FAN1: variants seen among roughly 807,000 people sequenced by gnomAD.
FAN1 encodes FANCD2 and FANCI associated nuclease 1.
In FAN1, 91 loss-of-function variants were observed where a neutral mutation model predicts 104.9. The ratio of observed to expected loss-of-function variants is 0.87; its 90% confidence interval spans 0.73 to 1.03. FAN1 has a LOEUF of 1.03. Ranked by LOEUF, FAN1 falls within the 50% of genes least tolerant of loss-of-function variation. FAN1 has a pLI of 0.00. For missense variants in FAN1, 1,263 were observed against 1,239.9 expected (o/e 1.02, Z -0.28); for synonymous variants, 478 against 457.6 (o/e 1.04, Z -0.57).
At chr15:30,932,408 TTTCTTA>T (rs1353701623) in intron 13 of FAN1, among the ~76,000 whole-genome samples, 1 of 152,096 alleles carries the variant, frequency 6.6e-6, no homozygotes, top group East Asian at 1.9e-4. Flanking sequence ...GTACTTTTCT[TTTCTTA>T]TTATCTCTTT....
Position 30,905,783 on chromosome 15 carries a change from T to TA in FAN1, c.1121dup (p.Tyr374Ter), listed in dbSNP as rs753955775. ...TCCTGGTCAAACAACCGGTCATCCT[T>TA]ACTACCTTCGGAGTTTCCTTGTGGT... is the stretch of plus-strand genomic sequence containing the variant. ...NGPGQTTGHP[Y>*]YLRSFLVVLK... is the part of the protein sequence containing the mutation. The change falls in exon 2 of 15, where the codon TAC becomes TAAC. Residue 374 changes from tyrosine (Y) to a stop codon, truncating the protein, a stop_gained and frameshift_variant. Coordinates refer to ENST00000362065, the MANE Select transcript of FAN1 (RefSeq NM_014967.5). LOFTEE classifies it high-confidence loss of function. 1.2e-6 allele frequency: 2 copies of TA among 1,614,220 alleles called. No homozygotes were observed. The highest frequency in any genetic ancestry group is 1.7e-6 in the Non-Finnish European group (2 of 1,180,028).
chr15:30,922,023 C>T (rs1036598556), intron 7 of FAN1, among the ~76,000 whole-genome samples: 5 of 152,132 alleles, frequency 3.3e-5, no homozygotes, highest in African/African-American at 9.7e-5. Context: ...TGGCAGGGAC[C>T]GGGTGAAGAG....
At position 30,929,240 on chromosome 15, in the gene FAN1, C is replaced by A; in HGVS notation, c.2630C>A (p.Thr877Lys). 6.2e-7 allele frequency: 1 copy of A among 1,613,520 alleles called. No individual in the cohort carries two copies. Among genetic ancestry groups the A allele is most frequent in the Non-Finnish European group, 8.5e-7 (1 of 1,179,826 alleles). ...PLDLCTDSFF[T>K]SRRPALEARL... ...GACTTGTGCACAGACAGCTTCTTCACAAGCAGACGCCCAGCCCTTGAGGCC... is the reference window on the plus strand; with the variant it reads ...GACTTGTGCACAGACAGCTTCTTCAAAAGCAGACGCCCAGCCCTTGAGGCC... The change falls in exon 12 of 15, where the codon ACA (threonine) becomes AAA (lysine). Residue 877 changes from threonine (T) to lysine (K), a missense_variant. This residue lies in a region of FAN1 where 581 missense variants were observed against 668.8 expected (regional missense o/e 0.87). Transcript: ENST00000362065.
intron 14 of FAN1, among the ~76,000 whole-genome samples, chr15:30,938,042 G>C (rs2062913738): frequency 6.6e-6 from 1 of 151,896 alleles, no homozygotes; most frequent in Non-Finnish European, 1.5e-5. Context: ...AAATTGGGTG[G>C]GCTTGGTGGC....
intron 13 of FAN1, among the ~76,000 whole-genome samples, chr15:30,936,483 A>T (rs2062855860): frequency 1.3e-5 from 2 of 152,220 alleles, no homozygotes; most frequent in Admixed American, 6.5e-5. Flanking sequence ...TGCATGCTTT[A>T]AAACAATTTT....
In FAN1 at chr15:30,941,620, G is replaced by C. The variant is rs770174652; in HGVS notation, c.*58G>C. Reference sequence around the variant, plus strand: ...AGGAGAGAAACTCCGGTGTCCCCGAGGTGTCGGTGTGGTGAGGGCCGCTGG... The same window carrying C: ...AGGAGAGAAACTCCGGTGTCCCCGACGTGTCGGTGTGGTGAGGGCCGCTGG... On this transcript the variant is annotated 3_prime_UTR_variant, in exon 15 of 15. Coordinates refer to ENST00000362065, the MANE Select transcript of FAN1 (RefSeq NM_014967.5). 1.2e-6 allele frequency: 2 copies of C among 1,604,598 alleles called. No homozygotes were observed. The highest frequency in any genetic ancestry group is 1.1e-5 in the South Asian group (1 of 89,838).
rs770015167 is a variant in FAN1, at chr15:30,905,288, A to G, written c.625A>G (p.Ser209Gly). Reference protein sequence around the residue: ...IEDEDQILENSSQKENVFKCD... With the variant: ...IEDEDQILENGSQKENVFKCD... Reference sequence around the variant, plus strand: ...GGACGAGGATCAAATTTTGGAGAACAGTTCTCAAAAAGAAAACGTGTTTAA... The same window carrying G: ...GGACGAGGATCAAATTTTGGAGAACGGTTCTCAAAAAGAAAACGTGTTTAA... The change falls in exon 2 of 15, where the codon AGT (serine) becomes GGT (glycine). Residue 209 changes from serine to glycine, a missense_variant. By Grantham distance (56) the Ser-to-Gly change is moderately conservative (BLOSUM62 0). Transcript: ENST00000362065. 6 of 1,613,918 alleles carry G rather than the reference A, an allele frequency of 3.7e-6. No homozygotes were observed. Among genetic ancestry groups the G allele is most frequent in the Non-Finnish European group, 5.1e-6 (6 of 1,180,006 alleles).
At chr15:30,929,088 A>G (rs1272816229) in intron 11 of FAN1, 115 bp from the exon 12 acceptor site, 1 of 872,830 alleles carries the variant, frequency 1.1e-6, no homozygotes, top group Non-Finnish European at 1.8e-6. Context: ...TTATCTTTTG[A>G]GAGAAAGAAT....
chr15:30,919,484 A>G (rs1268410729), intron 6 of FAN1, among the ~76,000 whole-genome samples: 1 of 151,640 alleles, frequency 6.6e-6, no homozygotes, highest in Non-Finnish European at 1.5e-5. Flanking sequence ...TGAGGTCAGG[A>G]GTTCGAGACT....
intron 13 of FAN1, among the ~76,000 whole-genome samples, chr15:30,930,996 G>A (rs376089993): frequency 6.6e-6 from 1 of 152,278 alleles, no homozygotes; most frequent in African/African-American, 2.4e-5. Context: ...GGGTCACAAC[G>A]GGTGTGGACA....
intron 12 of FAN1, among the ~76,000 whole-genome samples, chr15:30,930,024 A>AAT (rs938785397): frequency 3.5e-4 from 48 of 138,060 alleles, no homozygotes; most frequent in African/African-American, 1.1e-4. Flanking sequence ...AATATATAAT[A>AAT]ATATATATAT....
intron 8 of FAN1, among the ~76,000 whole-genome samples, chr15:30,923,004 C>T (rs757198620): frequency 6.6e-6 from 1 of 152,212 alleles, no homozygotes; most frequent in African/African-American, 2.4e-5. Flanking sequence ...TTTGTGTGGC[C>T]GCCAGCAGGC....
Position 30,930,668 on chromosome 15 carries a change from TA to T in FAN1, c.2915del (p.Lys972SerfsTer17). 1 of 1,612,704 alleles carries T rather than the reference TA, an allele frequency of 6.2e-7. No individual in the cohort carries two copies. The highest frequency in any genetic ancestry group is 8.5e-7 in the Non-Finnish European group (1 of 1,179,484). On this transcript the variant is annotated frameshift_variant and splice_region_variant, in exon 13 of 15. Transcript: ENST00000362065. LOFTEE classifies it high-confidence loss of function. ...VVWNSQSRHF[K>X]LVEVKGPNDR... ...TGTGGAACTCCCAGAGCCGTCACTT[TA>T]AGGTCAGTTGAGGCAGAATGGAAAG... is the stretch of plus-strand genomic sequence containing the variant.
At chr15:30,927,966 T>C in intron 10 of FAN1, 1 of 985,760 alleles carries the variant, frequency 1.0e-6, no homozygotes, top group Non-Finnish European at 1.2e-6. Context: ...AAGTGGGTGA[T>C]CTTTAAGGCC....
chr15:30,929,393 C>T lies in FAN1; in HGVS notation c.2783C>T (p.Ala928Val). ...SWDRFTSLQQ[A>V]QDLVSCLGGP... is the part of the protein sequence containing the mutation. Reference sequence around the variant, plus strand: ...GATCGCTTCACGTCTCTTCAGCAAGCTCAGGTAATGGTTCACCTGCATGGC... The same window carrying T: ...GATCGCTTCACGTCTCTTCAGCAAGTTCAGGTAATGGTTCACCTGCATGGC... The change falls in exon 12 of 15, where the codon GCT becomes GTT. Residue 928 changes from alanine (A) to valine (V), a missense_variant. Physicochemically the swap from Ala to Val is moderately conservative, Grantham distance 64. Coordinates refer to ENST00000362065, the MANE Select transcript of FAN1 (RefSeq NM_014967.5). The T allele has an allele frequency of 6.2e-7, 1 of 1,602,404 alleles. No individual in the cohort carries two copies. The highest frequency in any genetic ancestry group is 8.5e-7 in the Non-Finnish European group (1 of 1,173,512).
At chr15:30,932,019 G>C (rs2062723817) in intron 13 of FAN1, among the ~76,000 whole-genome samples, 1 of 151,410 alleles carries the variant, frequency 6.6e-6, no homozygotes, top group Admixed American at 6.6e-5. Context: ...TCAGGAGATT[G>C]AGACCATCCT....
chr15:30,925,399 G>A (rs1045405155), intron 9 of FAN1, 108 bp downstream of exon 9: 9 of 1,091,348 alleles, frequency 8.2e-6, no homozygotes, highest in African/African-American at 1.6e-5. Context: ...TTTTAGACTC[G>A]GAATAATCTA....
chr15:30,937,600 C>T (rs754351160), intron 14 of FAN1, among the ~76,000 whole-genome samples: 5 of 151,612 alleles, frequency 3.3e-5, no homozygotes, highest in Non-Finnish European at 5.9e-5. Flanking sequence ...TACAGGTGTG[C>T]GCCACCACGC....
At chr15:30,914,838 G>T (rs1239179575) in intron 5 of FAN1, among the ~76,000 whole-genome samples, 1 of 152,162 alleles carries the variant, frequency 6.6e-6, no homozygotes, top group Non-Finnish European at 1.5e-5. Context: ...TGATAAATTA[G>T]AAATTTTCAC....
Sources: allele counts gnomAD v4.1 joint callset (sites outside exome capture counted in the v4.1 genomes callset), GRCh38; gene constraint gnomAD v4.1.1; regional missense constraint gnomAD v4.1.1; transcripts MANE v1.5; gene names NCBI Gene and HGNC (gene_info 2026-07-23, HGNC 2026-07-21).